HSF2BP: variants seen among roughly 807,000 people sequenced by gnomAD.
HSF2BP encodes the protein heat shock factor 2-binding protein.
A neutral mutation model predicts 35.0 loss-of-function variants in HSF2BP; 35 were observed. The ratio of observed to expected loss-of-function variants is 1.00; its 90% confidence interval spans 0.76 to 1.32. The LOEUF (loss-of-function observed/expected upper bound fraction) is 1.32. Among genes scored for constraint, HSF2BP ranks in the 40% most tolerant of loss-of-function variants. HSF2BP has a pLI of 0.00. For synonymous variants in HSF2BP, 114 were observed against 117.4 expected (o/e 0.97, Z 0.18); for missense variants, 326 against 321.7 (o/e 1.01, Z -0.10).
chr21:43,624,478 C>T (rs1251416193), intron 6 of HSF2BP, among the ~76,000 whole-genome samples: 1 of 152,168 alleles, frequency 6.6e-6, no homozygotes, highest in East Asian at 1.9e-4. Flanking sequence ...TCAAGCCCCA[C>T]CTGGCCTTTT....
chr21:43,583,242 GA>G (rs2081784611), intron 8 of HSF2BP, among the ~76,000 whole-genome samples: 1 of 42,804 alleles, frequency 2.3e-5, no homozygotes, highest in Non-Finnish European at 4.2e-5. Flanking sequence ...TGCTGAAGGA[GA>G]TGAAGGCCTG....
chr21:43,632,660 TTCC>T (rs971039707), intron 5 of HSF2BP, among the ~76,000 whole-genome samples: 15 of 152,224 alleles, frequency 9.9e-5, no homozygotes, highest in African/African-American at 3.6e-4. Context: ...ACCACTCCTC[TTCC>T]TCCTCCTCTT....
chr21:43,622,338 T>C (rs762033925), intron 6 of HSF2BP, among the ~76,000 whole-genome samples: 60 of 152,288 alleles, frequency 3.9e-4, no homozygotes, highest in South Asian at 6.2e-4. Context: ...GATAGTAACA[T>C]TGAATATAAA....
rs185078652 is a variant in HSF2BP at position 43,657,513 on chromosome 21, C to A, written c.36+548G>T. ...TCCGCCCGTGATCTCATCTACTATT[C>A]ACCCCAAGCCTCCAAGATTGTCTAG... On this transcript the variant is annotated intron_variant, in intron 2 of 8. Coordinates refer to ENST00000291560, the MANE Select transcript of HSF2BP (RefSeq NM_007031.2). Among the ~76,000 whole-genome samples the A allele has an allele frequency of 2.1e-3, 314 of 152,330 alleles. 1 individual carries two copies. Among genetic ancestry groups the A allele is most frequent in the Middle Eastern group, 0.01 (3 of 294 alleles).
At chr21:43,651,253 T>C (rs2082781902) in intron 3 of HSF2BP, among the ~76,000 whole-genome samples, 1 of 152,194 alleles carries the variant, frequency 6.6e-6, no homozygotes, top group African/African-American at 2.4e-5. Flanking sequence ...TTTTAAGCTT[T>C]GCCATAGCCT....
At chr21:43,615,666 T>A (rs1169720890) in intron 6 of HSF2BP, among the ~76,000 whole-genome samples, 2 of 152,204 alleles carry the variant, frequency 1.3e-5, no homozygotes, top group Admixed American at 6.5e-5. Flanking sequence ...AACCTTTCAA[T>A]GACATAAACT....
At chr21:43,635,563 C>A (rs552974889) in intron 4 of HSF2BP, among the ~76,000 whole-genome samples, 7 of 152,166 alleles carry the variant, frequency 4.6e-5, no homozygotes, top group African/African-American at 1.7e-4. Context: ...AAAGGATAGT[C>A]TTTTCAACAA....
At chr21:43,632,054 C>A (rs1449639853) in intron 5 of HSF2BP, among the ~76,000 whole-genome samples, 3 of 41,814 alleles carry the variant, frequency 7.2e-5, no homozygotes, top group East Asian at 1.2e-3. Flanking sequence ...CACGCTCCCC[C>A]CCCACACACG....
intron 7 of HSF2BP, among the ~76,000 whole-genome samples, chr21:43,604,162 TC>T (rs770615105): frequency 2.6e-5 from 4 of 151,580 alleles, no homozygotes; most frequent in African/African-American, 9.7e-5. Context: ...ACAGGGCACA[TC>T]CCAGAGGAAG....
chr21:43,598,389 G>GTT (rs10650407), intron 7 of HSF2BP, among the ~76,000 whole-genome samples: 84,087 of 143,164 alleles, frequency 0.59, 24,646 homozygotes, highest in East Asian at 0.78. Flanking sequence ...GGGTTTTTTT[G>GTT]TTTTTTTTTT....
intron 4 of HSF2BP, among the ~76,000 whole-genome samples, chr21:43,643,169 TAA>T (rs1471693641): frequency 1.3e-5 from 2 of 152,210 alleles, no homozygotes; most frequent in African/African-American, 4.8e-5. Context: ...AATATTTATA[TAA>T]AATATAACTG....
chr21:43,600,479 A>G (rs866471847), intron 7 of HSF2BP, among the ~76,000 whole-genome samples: 12 of 152,232 alleles, frequency 7.9e-5, no homozygotes, highest in African/African-American at 2.9e-4. Context: ...ATGTAATTTG[A>G]GAAAGCAATT....
intron 6 of HSF2BP, among the ~76,000 whole-genome samples, chr21:43,620,810 T>C (rs2146954536): frequency 6.6e-6 from 1 of 152,090 alleles, no homozygotes; most frequent in South Asian, 2.1e-4. Context: ...AAAATTAATT[T>C]GAGGCTCTCA....
At chr21:43,588,610 G>C (rs1403551149) in intron 8 of HSF2BP, among the ~76,000 whole-genome samples, 2 of 152,120 alleles carry the variant, frequency 1.3e-5, no homozygotes, top group East Asian at 3.9e-4. Context: ...TTACCTTACA[G>C]GGTACTGACA....
At chr21:43,630,301 C>T (rs777651656) in intron 6 of HSF2BP, 21 bp downstream of exon 6, 39 of 1,598,438 alleles carry the variant, frequency 2.4e-5, no homozygotes, top group Non-Finnish European at 3.2e-5. Context: ...GGCAACATCT[C>T]TCAGGTGCGC....
chr21:43,619,296 T>A (rs1403812945), intron 6 of HSF2BP, among the ~76,000 whole-genome samples: 1 of 152,226 alleles, frequency 6.6e-6, no homozygotes, highest in Non-Finnish European at 1.5e-5. Context: ...AAGGTACTAG[T>A]ATATTACAAA....
At chr21:43,657,856 C>T in intron 2 of HSF2BP, 2 of 985,492 alleles carry the variant, frequency 2.0e-6, no homozygotes, top group Non-Finnish European at 2.4e-6. Flanking sequence ...GACCGGGTCC[C>T]CGCGTGGGTT....
At chr21:43,626,590 T>G (rs1036579182) in intron 6 of HSF2BP, among the ~76,000 whole-genome samples, 1 of 152,210 alleles carries the variant, frequency 6.6e-6, no homozygotes, top group South Asian at 2.1e-4. Flanking sequence ...ACACTGGTCT[T>G]GTATGGAAAA....
chr21:43,656,104 G>A (rs2082864442), intron 3 of HSF2BP, among the ~76,000 whole-genome samples: 1 of 152,130 alleles, frequency 6.6e-6, no homozygotes, highest in Non-Finnish European at 1.5e-5. Flanking sequence ...CAACATAACA[G>A]CTCAGCTCAA....
Sources: gnomAD v4.1 joint callset for allele counts (sites outside exome capture counted in the v4.1 genomes callset) on GRCh38, gnomAD v4.1.1 for gene constraint, MANE v1.5 for transcripts, NCBI Gene and HGNC (gene_info 2026-07-23, HGNC 2026-07-21) for gene names.